RBFOX1: variants seen among roughly 807,000 people sequenced by gnomAD.
RBFOX1 encodes RNA binding protein fox-1 homolog 1.
Under a neutral mutation model 57.7 loss-of-function variants are expected in RBFOX1, and 8 were observed. The ratio of observed to expected loss-of-function variants is 0.14; its 90% confidence interval spans 0.08 to 0.25. RBFOX1 has a LOEUF of 0.25. RBFOX1 is among the 10% of genes least tolerant of loss of function. RBFOX1 has a pLI of 1.00. For missense variants in RBFOX1, 611 were observed against 548.5 expected (o/e 1.11, Z -1.14); for synonymous variants, 326 against 222.4 (o/e 1.47, Z -4.15).
chr16:5,444,616 G>T (rs565784927), intron 1 of RBFOX1, among the ~76,000 whole-genome samples: 1 of 152,154 alleles, frequency 6.6e-6, no homozygotes, highest in Non-Finnish European at 1.5e-5. Context: ...GGATCTCATG[G>T]CCAGATGTCT....
At chr16:7,705,259 C>G (rs186830102) in intron 14 of RBFOX1, among the ~76,000 whole-genome samples, 4 of 152,114 alleles carry the variant, frequency 2.6e-5, no homozygotes, top group Admixed American at 1.3e-4. Context: ...GTAATCCCAG[C>G]ACTTTGGGAG....
intron 2 of RBFOX1, among the ~76,000 whole-genome samples, chr16:6,346,240 G>A (rs1183758316): frequency 6.6e-6 from 1 of 152,170 alleles, no homozygotes; most frequent in Non-Finnish European, 1.5e-5. Context: ...CCCAAAACAA[G>A]CAATCCATCT....
At chr16:6,469,653 A>C (rs1887415746) in intron 2 of RBFOX1, among the ~76,000 whole-genome samples, 1 of 152,190 alleles carries the variant, frequency 6.6e-6, no homozygotes, top group African/African-American at 2.4e-5. Context: ...GGCAACGTTC[A>C]CATTTTTTCC....
At chr16:6,463,525 C>T (rs571682395) in intron 2 of RBFOX1, among the ~76,000 whole-genome samples, 48 of 152,040 alleles carry the variant, frequency 3.2e-4, no homozygotes, top group African/African-American at 1.1e-3. Context: ...GATGGGGGGT[C>T]GGGGCGGAGT....
chr16:7,264,866 A>G (rs2153084298), intron 4 of RBFOX1, among the ~76,000 whole-genome samples: 1 of 152,360 alleles, frequency 6.6e-6, no homozygotes, highest in East Asian at 1.9e-4. Context: ...AAAAAAATTG[A>G]TACATGACTA....
chr16:6,256,245 A>T (rs71386428), intron 1 of RBFOX1, among the ~76,000 whole-genome samples: 1 of 79,494 alleles, frequency 1.3e-5, no homozygotes, highest in Non-Finnish European at 2.3e-5. Flanking sequence ...GTATATATAT[A>T]TGTATATATA....
chr16:6,106,975 C>T (rs2096388817), intron 1 of RBFOX1, among the ~76,000 whole-genome samples: 1 of 152,140 alleles, frequency 6.6e-6, no homozygotes, highest in African/African-American at 2.4e-5. Flanking sequence ...CTGGCCACCC[C>T]TCCTTCTTTT....
chr16:7,127,075 C>G (rs1336644722), intron 4 of RBFOX1, among the ~76,000 whole-genome samples: 2 of 151,898 alleles, frequency 1.3e-5, no homozygotes, highest in Middle Eastern at 3.4e-3. Context: ...TCCTAGACCC[C>G]TTTTGTTTAA....
At chr16:6,842,485 G>C (rs781710142) in intron 3 of RBFOX1, among the ~76,000 whole-genome samples, 14 of 152,008 alleles carry the variant, frequency 9.2e-5, no homozygotes, top group Non-Finnish European at 2.1e-4. Flanking sequence ...TGTTTGTTTA[G>C]AAAAACCAAA....
intron 3 of RBFOX1, among the ~76,000 whole-genome samples, chr16:6,799,662 G>C (rs1297276739): frequency 6.6e-6 from 1 of 152,152 alleles, no homozygotes; most frequent in African/African-American, 2.4e-5. Context: ...TATAAAGCAG[G>C]TGGAAGAAGG....
intron 4 of RBFOX1, among the ~76,000 whole-genome samples, chr16:7,344,317 A>T (rs2096953651): frequency 6.6e-6 from 1 of 150,472 alleles, no homozygotes; most frequent in South Asian, 2.1e-4. Context: ...GGCTAAAAAA[A>T]ACTGATAGAA....
chr16:5,987,222 GT>G (rs1208028404), intron 4 of RBFOX1, among the ~76,000 whole-genome samples: 1 of 151,976 alleles, frequency 6.6e-6, no homozygotes, highest in South Asian at 2.1e-4. Flanking sequence ...AATTGGATTG[GT>G]TTTTTTCTTT....
intron 4 of RBFOX1, among the ~76,000 whole-genome samples, chr16:7,055,525 C>T (rs757697509): frequency 6.6e-6 from 1 of 152,140 alleles, no homozygotes; most frequent in Non-Finnish European, 1.5e-5. Context: ...GCAGCACTCT[C>T]ATCAGAAGGA....
At chr16:6,005,524 A>G (rs9939887) in intron 4 of RBFOX1, among the ~76,000 whole-genome samples, 7,392 of 152,304 alleles carry the variant, frequency 0.049, 338 homozygotes, top group East Asian at 0.15. Flanking sequence ...AAGGGTTTTC[A>G]ACTTTGGCAG....
At chr16:6,739,402 A>T (rs80223149) in intron 3 of RBFOX1, among the ~76,000 whole-genome samples, 2 of 152,092 alleles carry the variant, frequency 1.3e-5, no homozygotes, top group South Asian at 2.1e-4. Context: ...ACAAACTGCA[A>T]TTCACCCAAT....
intron 1 of RBFOX1, among the ~76,000 whole-genome samples, chr16:5,358,238 G>T (rs538651782): frequency 1.3e-5 from 2 of 152,052 alleles, no homozygotes; most frequent in Admixed American, 6.5e-5. Flanking sequence ...CTGTGTGAGT[G>T]TCTGTGTCCA....
At chr16:5,767,778 G>A (rs2053838947) in intron 3 of RBFOX1, among the ~76,000 whole-genome samples, 1 of 152,052 alleles carries the variant, frequency 6.6e-6, no homozygotes, top group African/African-American at 2.4e-5. Flanking sequence ...TGCCTTTGCT[G>A]GGCCTAATAC....
intron 3 of RBFOX1, among the ~76,000 whole-genome samples, chr16:5,683,290 C>T (rs1311012081): frequency 6.6e-6 from 1 of 152,120 alleles, no homozygotes; most frequent in Non-Finnish European, 1.5e-5. Context: ...TGCCAATGCC[C>T]AGGTTTAACC....
At chr16:6,124,713 A>C (rs1175233799) in intron 1 of RBFOX1, among the ~76,000 whole-genome samples, 4 of 151,984 alleles carry the variant, frequency 2.6e-5, no homozygotes, top group Non-Finnish European at 5.9e-5. Context: ...TTTTCAGTAG[A>C]GACGGGGTTT....
Sources: allele counts gnomAD v4.1 joint callset (sites outside exome capture counted in the v4.1 genomes callset), GRCh38; gene constraint gnomAD v4.1.1; transcripts MANE v1.5; gene names NCBI Gene and HGNC (gene_info 2026-07-23, HGNC 2026-07-21).